Variants in PKD1 observed in about 807,000 individuals in gnomAD.
The protein encoded by PKD1 is polycystin-1.
A neutral mutation model predicts 361.7 loss-of-function variants in PKD1; 81 were observed. The ratio of observed to expected loss-of-function variants is 0.22; its 90% CI spans 0.19 to 0.27. The LOEUF is 0.27. PKD1 is among the 10% of genes least tolerant of loss of function. PKD1 has a pLI of 1.00. For synonymous variants in PKD1, 3,615 were observed against 2,818.3 expected, an observed-to-expected ratio of 1.28 and a Z score of -8.95; for missense variants, 6,399 against 6,118.3, an observed-to-expected ratio of 1.05 and a Z score of -1.53.
chr16:2,112,556 G>C, intron 13 of PKD1, 83 bp from the exon 14 acceptor site: 2 of 1,308,478 alleles, frequency 1.5e-6, no homozygotes, highest in Middle Eastern at 2.6e-4. Context: ...ACCCAGCCGA[G>C]GCTCCACTCT....
In PKD1 at chr16:2,110,264, G is replaced by A. The variant is rs1351791922; in HGVS notation, c.4903C>T (p.Leu1635=). The change falls in exon 15 of 46, where the codon CTG becomes TTG. Residue 1635 remains leucine, a synonymous_variant. Coordinates refer to ENST00000262304, the MANE Select transcript of PKD1 (RefSeq NM_001009944.3). ...FVYVLQLIEG[L]QVVGGGRYFP... ...TAGCGGCCACCGCCCACCACCTGCA[G>A]CCCCTCTATGAGCTGCAGGACATAG... 1.2e-6 allele frequency: 2 copies of A among 1,612,362 alleles called. No homozygotes were observed. Among genetic ancestry groups the A allele is most frequent in the Non-Finnish European group, 8.5e-7 (1 of 1,179,766 alleles).
chr16:2,108,961 C>T lies in PKD1; in HGVS notation c.6206G>A (p.Gly2069Asp). The change falls in exon 15 of 46, where the codon GGC becomes GAC. Residue 2069 changes from glycine (G) to aspartate (D), a missense_variant. Coordinates refer to ENST00000262304, the MANE Select transcript of PKD1 (RefSeq NM_001009944.3). ...DAVQYVALQS[G>D]PCFTNRSAQF... ...CGCCGAGCGGTTGGTGAAGCAGGGG[C>T]CGCTCTGCAGGGCCACATACTGGAC... The T allele has an allele frequency of 6.2e-7, 1 of 1,608,496 alleles. No individual in the cohort carries two copies. The highest frequency in any genetic ancestry group is 8.5e-7 in the Non-Finnish European group (1 of 1,178,808).
rs749734579 is a variant in PKD1, at chr16:2,115,997, G to A, written c.1844C>T (p.Thr615Ile). ...CCCACCACCCAGAGTCCCACCTGCT[G>A]TGCTGAGGAGCCGGTACACCTGCAG... The part of the protein sequence containing the change: ...LRLQVYRLLS[T>I]AGTPENGSEP... Residue 615 changes from threonine to isoleucine, a missense_variant, in exon 9 of 46, where the codon ACA becomes ATA. Coordinates refer to ENST00000262304, the MANE Select transcript of PKD1 (RefSeq NM_001009944.3). 1.8e-5 allele frequency: 28 copies of A among 1,545,036 alleles called. No homozygotes were observed. Among genetic ancestry groups the A allele is most frequent in the Admixed American group, 3.9e-5 (2 of 50,900 alleles).
At chr16:2,130,311 G>C (rs1319087522) in intron 1 of PKD1, among the ~76,000 whole-genome samples, 1 of 152,170 alleles carries the variant, frequency 6.6e-6, no homozygotes, top group Admixed American at 6.5e-5. Flanking sequence ...AGGCTCTCCT[G>C]ACAGAGGCCC....
At chr16:2,105,723 G>C (rs1010371265) in intron 20 of PKD1, 142 bp downstream of exon 20, 91 of 1,286,586 alleles carry the variant, frequency 7.1e-5, no homozygotes, top group Middle Eastern at 2.6e-4. Context: ...GGGAGCGGAA[G>C]GTCGGGGTGC....
chr16:2,114,468 C>T lies in PKD1; in HGVS notation c.2555G>A (p.Gly852Asp). ...GSALVLQVDSGANATATARWP... is the reference protein window; with the variant it reads ...GSALVLQVDSDANATATARWP... ...GCGAGCCGTGGCCGTGGCGTTGGCA[C>T]CAGAGTCCACCTGGAGCACCAAGGC... The change falls in exon 11 of 46, where the codon GGT (glycine) becomes GAT (aspartate). Residue 852 changes from glycine (G) to aspartate (D), a missense_variant. Coordinates refer to ENST00000262304, the MANE Select transcript of PKD1 (RefSeq NM_001009944.3). The T allele has an allele frequency of 2.5e-6, 4 of 1,597,216 alleles. No individual in the cohort carries two copies. Among genetic ancestry groups the T allele is most frequent in the Non-Finnish European group, 3.4e-6 (4 of 1,179,466 alleles).
At chr16:2,130,430 G>A (rs2092858361) in intron 1 of PKD1, among the ~76,000 whole-genome samples, 2 of 152,174 alleles carry the variant, frequency 1.3e-5, no homozygotes, top group African/African-American at 4.8e-5. Context: ...GTCCTTCCAG[G>A]CCAGCCCCCT....
rs956625691 is a variant in PKD1 at position 2,102,445 on chromosome 16, C to T, written c.9137G>A (p.Arg3046His). 9 of 1,551,696 alleles carry T rather than the reference C, an allele frequency of 5.8e-6. No homozygotes were observed. The South Asian group carries it at 5.9e-5, about 10-fold the overall frequency. Residue 3046 changes from arginine (R) to histidine (H), a missense_variant, in exon 25 of 46, where the codon CGC (arginine) becomes CAC (histidine). Arg to His is a conservative substitution (Grantham distance 29). Coordinates refer to ENST00000262304, the MANE Select transcript of PKD1 (RefSeq NM_001009944.3). ...GCTGGCGCCGAAGGCGGTGAGGTGG[C>T]GGGTGAGGCAGACGGCCTGGCGGGG... is the stretch of plus-strand genomic sequence containing the variant. ...TSPRQAVCLT[R>H]HLTAFGASLF...
In PKD1 at chr16:2,109,301, C is replaced by G. The variant is rs781454286; in HGVS notation, c.5866G>C (p.Val1956Leu). The part of the protein sequence containing the change: ...HVVSVRGKNH[V>L]SWAQAQVRIV... ...CGCACCTGCGCCTGGGCCCAGCTCA[C>G]GTGGTTTTTGCCCCGCACGCTCACC... The change falls in exon 15 of 46, where the codon GTG becomes CTG. Residue 1956 changes from valine (V) to leucine (L), a missense_variant. Physicochemically the swap from Val to Leu is conservative, Grantham distance 32 (BLOSUM62 1). Transcript: ENST00000262304. 1.3e-6 allele frequency: 2 copies of G among 1,585,036 alleles called. No individual in the cohort carries two copies. The highest frequency in any genetic ancestry group is 1.7e-6 in the Non-Finnish European group (2 of 1,168,290).
Position 2,103,502 on chromosome 16 carries a change from G to T in PKD1, c.8555C>A (p.Ala2852Glu). 1 of 1,604,234 alleles carries T rather than the reference G, an allele frequency of 6.2e-7. No individual in the cohort carries two copies. Among genetic ancestry groups the T allele is most frequent in the South Asian group, 1.1e-5 (1 of 90,996 alleles). Reference sequence around the variant, plus strand: ...CTGGGCGCCGGCCTGTGTCTGGAATGCCATCGAGGCCACCTTGGTGGAGAC... The same window carrying T: ...CTGGGCGCCGGCCTGTGTCTGGAATTCCATCGAGGCCACCTTGGTGGAGAC... ...YTVSTKVASM[A>E]FQTQAGAQIP... Residue 2852 changes from alanine (A) to glutamate (E), a missense_variant, in exon 23 of 46, where the codon GCA (alanine) becomes GAA (glutamate). Coordinates refer to ENST00000262304, the MANE Select transcript of PKD1 (RefSeq NM_001009944.3).
chr16:2,130,906 C>T, intron 1 of PKD1, among the ~76,000 whole-genome samples: 1 of 152,216 alleles, frequency 6.6e-6, no homozygotes, highest in Non-Finnish European at 1.5e-5. Flanking sequence ...ATTTGCGAGA[C>T]AGCAGCAGAC....
In PKD1 at chr16:2,111,878, G is replaced by A; in HGVS notation, c.3296-7C>T. ...ACGGTCAGGAGGTACTCACCTGTGG[G>A]GACAGGCCCGAGTGGGGCAGCCGCG... On this transcript the variant is annotated splice_polypyrimidine_tract_variant and splice_region_variant and intron_variant, in intron 14 of 45. Coordinates refer to ENST00000262304, the MANE Select transcript of PKD1 (RefSeq NM_001009944.3). 2 of 1,610,048 alleles carry A rather than the reference G, an allele frequency of 1.2e-6. No individual in the cohort carries two copies. Among genetic ancestry groups the A allele is most frequent in the South Asian group, 1.1e-5 (1 of 90,978 alleles).
rs568867686 is a variant in PKD1, at chr16:2,088,939, G to GTCTT, written c.*784_*787dup. 6.5e-4 allele frequency: 243 copies of GTCTT among 373,964 alleles called. 1 individual carries two copies. The highest frequency in any genetic ancestry group is 4.4e-3 in the African/African-American group (210 of 48,116). 23.2% of individuals were successfully genotyped at this position (373,964 alleles called of 1,614,324 possible). On this transcript the variant is annotated 3_prime_UTR_variant, in exon 46 of 46. Transcript: ENST00000262304. ...CCCTGGGAGCCAGCCCCCAGGAGGA[G>GTCTT]TCTTTTCCTCTAACCACCCTGGGGT...
Position 2,118,255 on chromosome 16 carries a change from G to C in PKD1, c.737C>G (p.Ser246Cys). 6.5e-7 allele frequency: 1 copy of C among 1,533,112 alleles called. No individual in the cohort carries two copies. The highest frequency in any genetic ancestry group is 8.7e-7 in the Non-Finnish European group (1 of 1,144,602). 95.0% of individuals were successfully genotyped at this position (1,533,112 alleles called of 1,614,324 possible). ...QPSSASFACL[S>C]LCSGPPPPPA... The stretch of plus-strand genomic sequence containing the variant: ...AGGTGGCGGGGGGCCGGAGCAGAGG[G>C]ACAGGCAGGCAAAGGAGGCACTGGA... The change falls in exon 5 of 46, where the codon TCC (serine) becomes TGC (cysteine). Residue 246 changes from serine to cysteine, a missense_variant. Ser to Cys is a moderately radical substitution (Grantham distance 112, BLOSUM62 -1). Transcript: ENST00000262304. The surrounding 1 kb of genome is among the most constrained non-coding windows in gnomAD (Gnocchi z 6.0).
Position 2,111,450 on chromosome 16 carries a change from G to A in PKD1, c.3717C>T (p.Asp1239=). 1 of 1,611,892 alleles carries A rather than the reference G, an allele frequency of 6.2e-7. No individual in the cohort carries two copies. Among genetic ancestry groups the A allele is most frequent in the Non-Finnish European group, 8.5e-7 (1 of 1,179,538 alleles). ...VVVSAAVQTG[D]NITWTFDMGD... is the part of the protein sequence containing the mutation. ...CCATGTCGAAGGTCCACGTGATGTTGTCGCCCGTCTGCACCGCGGCGCTGA... is the reference window on the plus strand; with the variant it reads ...CCATGTCGAAGGTCCACGTGATGTTATCGCCCGTCTGCACCGCGGCGCTGA... Residue 1239 remains aspartate, a synonymous_variant, in exon 15 of 46, where the codon GAC becomes GAT. Coordinates refer to ENST00000262304, the MANE Select transcript of PKD1 (RefSeq NM_001009944.3).
rs373256534 is a variant in PKD1 at position 2,108,683 on chromosome 16, G to A, written c.6484C>T (p.Arg2162Trp). The A allele has an allele frequency of 1.2e-4, 189 of 1,567,920 alleles. No individual in the cohort carries two copies. The highest frequency in any genetic ancestry group is 1.3e-4 in the Non-Finnish European group (150 of 1,157,466). Residue 2162 changes from arginine to tryptophan, a missense_variant, in exon 15 of 46, where the codon CGG (arginine) becomes TGG (tryptophan). Transcript: ENST00000262304. ...DVVLPLQVLM[R>W]RSQRNYLEAH... ...TCCAAGTAGTTGCGCTGTGATCGCC[G>A]CATCAGCACCTGCAGGGGCAGGACC...
rs377373905 is a variant in PKD1, at chr16:2,106,264, G to A, written c.7530C>T (p.Tyr2510=). 2.9e-5 allele frequency: 46 copies of A among 1,610,086 alleles called. No homozygotes were observed. The highest frequency in any genetic ancestry group is 8.9e-5 in the East Asian group (4 of 44,864). ...DAEDAGAPLV[Y]ALLLRRCRQG... ...GGCGACAGCGCCGCAGCAGCAGGGC[G>A]TACACCAGCGGGGCGCCAGCATCCT... Residue 2510 remains tyrosine (Y), a synonymous_variant, in exon 19 of 46, where the codon TAC becomes TAT. Coordinates refer to ENST00000262304, the MANE Select transcript of PKD1 (RefSeq NM_001009944.3). This position sits in a 1 kb window ranked among gnomAD's most constrained non-coding sequence, Gnocchi z 6.5.
intron 1 of PKD1, among the ~76,000 whole-genome samples, chr16:2,126,047 C>T (rs1199227601): frequency 6.6e-6 from 1 of 151,862 alleles, no homozygotes; most frequent in Non-Finnish European, 1.5e-5. Flanking sequence ...CCCGGCTGTG[C>T]GGGCACAGCA....
At chr16:2,113,108 G>GCCCCCC in intron 12 of PKD1, 53 bp downstream of exon 12, 1 of 736,320 alleles carries the variant, frequency 1.4e-6, no homozygotes, top group Non-Finnish European at 2.3e-6. Context: ...GGTGGAGCCC[G>GCCCCCC]CCCCCGCCCT....
Sources: gnomAD v4.1 joint callset for allele counts (sites outside exome capture counted in the v4.1 genomes callset) on GRCh38, gnomAD v4.1.1 for gene constraint, Gnocchi (gnomAD v3.1) non-coding constraint, MANE v1.5 for transcripts, NCBI Gene and HGNC (gene_info 2026-07-23, HGNC 2026-07-21) for gene names.